Variants in GLMN observed in about 807,000 individuals in gnomAD.
The protein encoded by GLMN is glomulin.
In GLMN, 75 loss-of-function variants were observed where a neutral mutation model predicts 87.8. The ratio of observed to expected loss-of-function variants is 0.85; its 90% CI spans 0.71 to 1.04. The LOEUF (loss-of-function observed/expected upper bound fraction) is 1.04. Ranked by LOEUF, GLMN falls within the 50% of genes least tolerant of loss-of-function variation. The pLI is 0.00. For synonymous variants in GLMN, 206 were observed against 221.6 expected, an observed-to-expected ratio of 0.93 and a Z score of 0.63; for missense variants, 588 against 658.8, an observed-to-expected ratio of 0.89 and a Z score of 1.18.
At chr1:92,277,612 T>C (rs905494582) in intron 7 of GLMN, among the ~76,000 whole-genome samples, 2 of 152,154 alleles carry the variant, frequency 1.3e-5, no homozygotes, top group East Asian at 1.9e-4. Flanking sequence ...TTACCAACGG[T>C]CAATGATGTA....
the GLMN span, among the ~76,000 whole-genome samples, chr1:92,339,122 A>G: frequency 6.6e-6 from 1 of 152,020 alleles, no homozygotes. Context: ...TTAGAACAAT[A>G]TTTTTCTATA....
intron 6 of GLMN, among the ~76,000 whole-genome samples, 193 bp from the exon 7 acceptor site, chr1:92,286,785 T>C (rs1387099279): frequency 6.6e-6 from 1 of 152,232 alleles, no homozygotes; most frequent in Non-Finnish European, 1.5e-5. Context: ...GGGGCTCCAC[T>C]CTCACGGATG....
chr1:92,267,033 TATTA>T (rs1655721314), intron 11 of GLMN, among the ~76,000 whole-genome samples: 1 of 152,326 alleles, frequency 6.6e-6, no homozygotes, highest in African/African-American at 2.4e-5. Flanking sequence ...AAATATAATT[TATTA>T]ATTAAAAACA....
chr1:92,268,430 C>A (rs1355367562), intron 9 of GLMN, among the ~76,000 whole-genome samples: 2 of 152,194 alleles, frequency 1.3e-5, no homozygotes, highest in African/African-American at 4.8e-5. Context: ...CCTGATATAA[C>A]CAATGCTATA....
intron 13 of GLMN, among the ~76,000 whole-genome samples, chr1:92,265,449 TCTTA>T (rs1217941811): frequency 1.3e-5 from 2 of 152,118 alleles, no homozygotes; most frequent in African/African-American, 2.4e-5. Context: ...ATAAACTTGC[TCTTA>T]CTATCAATAG....
chr1:92,336,402 C>T, the GLMN span: 64 of 1,608,704 alleles, frequency 4.0e-5, no homozygotes, highest in Admixed American at 3.0e-4. Flanking sequence ...TTACACACAA[C>T]TTAAAAATCT....
At chr1:92,275,472 T>G (rs1441293428) in intron 7 of GLMN, among the ~76,000 whole-genome samples, 1 of 152,192 alleles carries the variant, frequency 6.6e-6, no homozygotes, top group Non-Finnish European at 1.5e-5. Context: ...CTCAACAGTT[T>G]GCACCCCAAC....
chr1:92,263,884 A>G, intron 14 of GLMN, 152 bp from the exon 15 acceptor site: 1 of 652,732 alleles, frequency 1.5e-6, no homozygotes, highest in Admixed American at 2.3e-5. Context: ...TCCAGACACC[A>G]GGAACGAACC....
the GLMN span, among the ~76,000 whole-genome samples, chr1:92,359,388 C>T: frequency 4.6e-5 from 7 of 152,218 alleles, no homozygotes; most frequent in Non-Finnish European, 7.3e-5. Context: ...GGCACAATCT[C>T]GGCTCACCGC....
chr1:92,360,393 T>C, the GLMN span, among the ~76,000 whole-genome samples: 3 of 152,200 alleles, frequency 2.0e-5, no homozygotes, highest in African/African-American at 7.2e-5. Context: ...GTTGGGGCAC[T>C]AGACGGAGCA....
chr1:92,356,621 G>A, the GLMN span, among the ~76,000 whole-genome samples: 4 of 147,288 alleles, frequency 2.7e-5, no homozygotes, highest in Admixed American at 2.7e-4. Context: ...TTTTAGTAGA[G>A]ATGGGGTTTT....
At chr1:92,284,626 T>C (rs1648510736) in intron 7 of GLMN, among the ~76,000 whole-genome samples, 1 of 152,004 alleles carries the variant, frequency 6.6e-6, no homozygotes, top group Non-Finnish European at 1.5e-5. Flanking sequence ...CAAATGGGAT[T>C]AATTAAACTA....
At chr1:92,325,631 T>C in the GLMN span, among the ~76,000 whole-genome samples, 2 of 152,210 alleles carry the variant, frequency 1.3e-5, no homozygotes, top group African/African-American at 2.4e-5. Flanking sequence ...AGTAATTATA[T>C]GATTTCTTGA....
At chr1:92,318,671 A>G in the GLMN span, among the ~76,000 whole-genome samples, 1 of 152,120 alleles carries the variant, frequency 6.6e-6, no homozygotes. Context: ...CTGATAAAGT[A>G]CCCTCCTTTA....
At chr1:92,269,828 G>C (rs776737361) in intron 8 of GLMN, 52 bp from the exon 9 acceptor site, 2 of 1,128,620 alleles carry the variant, frequency 1.8e-6, no homozygotes, top group African/African-American at 3.1e-5. Context: ...ACAGAGATAT[G>C]TACACACATA....
intron 7 of GLMN, among the ~76,000 whole-genome samples, chr1:92,272,889 C>T (rs959130033): frequency 9.2e-5 from 14 of 152,226 alleles, no homozygotes; most frequent in African/African-American, 3.1e-4. Context: ...TGAGTTTTGG[C>T]TCTACCATTT....
chr1:92,328,626 C>T, the GLMN span, among the ~76,000 whole-genome samples: 1 of 152,104 alleles, frequency 6.6e-6, no homozygotes, highest in South Asian at 2.1e-4. Flanking sequence ...AATAATTGAC[C>T]TTCTGAATCC....
the GLMN span, among the ~76,000 whole-genome samples, chr1:92,361,002 C>T: frequency 8.6e-5 from 13 of 151,650 alleles, no homozygotes; most frequent in East Asian, 2.5e-3. Context: ...TTTTACCTTC[C>T]CCTGCCTTCT....
In GLMN at chr1:92,264,548, T is replaced by G; in HGVS notation, c.1299+6A>C. ...TTGGTAATTGACACTTTGGCTATGT[T>G]CTTACCTTTAATGACATGTCAATTT... On this transcript the variant is annotated splice_donor_region_variant and intron_variant, in intron 14 of 18. Coordinates refer to ENST00000370360, the MANE Select transcript of GLMN (RefSeq NM_053274.3). The G allele has an allele frequency of 7.2e-7, 1 of 1,394,918 alleles. No homozygotes were observed. The highest frequency in any genetic ancestry group is 1.4e-5 in the African/African-American group (1 of 70,908). The allele number at this position is 1,394,918 out of a possible 1,614,324, so 86.4% of individuals were successfully genotyped here.
Sources: gnomAD v4.1 joint callset for allele counts (sites outside exome capture counted in the v4.1 genomes callset) on GRCh38, gnomAD v4.1.1 for gene constraint, MANE v1.5 for transcripts, NCBI Gene and HGNC (gene_info 2026-07-23, HGNC 2026-07-21) for gene names.